Variants in SATB1 observed in about 807,000 individuals in gnomAD.
SATB1 encodes DNA-binding protein SATB1.
In SATB1, 11 loss-of-function variants were observed where a neutral mutation model predicts 86.9. That is an observed-to-expected ratio of 0.13 (90% confidence interval 0.08 to 0.21). The LOEUF (loss-of-function observed/expected upper bound fraction) is 0.21, where lower values mean the gene tolerates loss of function less well. Ranked by LOEUF, SATB1 falls within the 10% of genes least tolerant of loss-of-function variation. The probability of loss-of-function intolerance (pLI) is 1.00; values close to 1 mark genes in which losing one functional copy is unlikely to be tolerated. For synonymous variants in SATB1, 357 were observed against 357.2 expected, an observed-to-expected ratio of 1.00 and a Z score of 0.01; for missense variants, 551 against 937.6, an observed-to-expected ratio of 0.59 and a Z score of 5.39.
chr3:18,387,108 G>T (rs548445960), intron 7 of SATB1, among the ~76,000 whole-genome samples: 3 of 152,104 alleles, frequency 2.0e-5, no homozygotes, highest in Non-Finnish European at 4.4e-5. Flanking sequence ...CATCACCTAA[G>T]GTTTATGCTG....
In SATB1 at chr3:18,376,722, C is replaced by T. The variant is rs986136022; in HGVS notation, c.1575+1448G>A. Among the ~76,000 whole-genome samples, 17 of 152,146 alleles carry T rather than the reference C, an allele frequency of 1.1e-4. 1 individual carries two copies. The highest frequency in any genetic ancestry group is 3.9e-4 in the African/African-American group (16 of 41,544). ...AACATTTCAAGAGCCCTGTAATTTC[C>T]AATCAAAATTACAGTAATTTCCGAT... On this transcript the variant is annotated intron_variant, in intron 9 of 10. Transcript: ENST00000338745.
chr3:18,422,824 A>G (rs1163239120), intron 1 of SATB1, among the ~76,000 whole-genome samples: 2 of 152,364 alleles, frequency 1.3e-5, no homozygotes, highest in East Asian at 3.9e-4. Flanking sequence ...AGTTAATGCT[A>G]TAAAACATAT....
chr3:18,445,193 C>G, intron 1 of SATB1: 1 of 980,382 alleles, frequency 1.0e-6, no homozygotes, highest in Non-Finnish European at 1.2e-6. Flanking sequence ...CGGCCCGCCT[C>G]CCCAGCGCCC....
At chr3:18,429,404 T>C (rs1698817329), upstream of SATB1, among the ~76,000 whole-genome samples, 1 of 152,260 alleles carries the variant, frequency 6.6e-6, no homozygotes, top group African/African-American at 2.4e-5. This position sits in a 1 kb window ranked among gnomAD's most constrained non-coding sequence, Gnocchi z 4.1. Context: ...TCTCACATAT[T>C]ATCTGTGACC....
chr3:18,410,738 A>G (rs934529819), intron 5 of SATB1: 2 of 248,042 alleles, frequency 8.1e-6, no homozygotes, highest in Non-Finnish European at 1.5e-5. Context: ...CTATTCTCTT[A>G]AGAATGTGCT....
rs1425712727 is a variant in SATB1 at position 18,348,849 on chromosome 3, C to T, written c.*321G>A. On this transcript the variant is annotated 3_prime_UTR_variant, in exon 11 of 11. Coordinates refer to ENST00000338745, the MANE Select transcript of SATB1 (RefSeq NM_002971.6). ...AAGGTATAATGCTTGTTTGAGGCTC[C>T]GGAATAAGAACTAAAAAAAAAACAA... 14 of 282,638 alleles carry T rather than the reference C, an allele frequency of 5.0e-5. No individual in the cohort carries two copies. Among genetic ancestry groups the T allele is most frequent in the East Asian group, 4.8e-4 (6 of 12,388 alleles). 17.5% of individuals were successfully genotyped at this position (282,638 alleles called of 1,614,324 possible).
chr3:18,359,632 C>T (rs961555161), intron 9 of SATB1, among the ~76,000 whole-genome samples: 5 of 151,770 alleles, frequency 3.3e-5, no homozygotes, highest in African/African-American at 7.3e-5. Flanking sequence ...ATATCTGATA[C>T]TTGAATAAGG....
rs763478543 is a variant in SATB1 at position 18,351,377 on chromosome 3, T to C, written c.1779+615A>G. Reference sequence around the variant, plus strand: ...GCCTGGTAAGAAAACGCCTCTAGACTCTCCTTTCCCAAGGGTGGTGGGAGA... The same window carrying C: ...GCCTGGTAAGAAAACGCCTCTAGACCCTCCTTTCCCAAGGGTGGTGGGAGA... On this transcript the variant is annotated intron_variant, in intron 10 of 10. Transcript: ENST00000338745. 7 of 1,555,066 alleles carry C rather than the reference T, an allele frequency of 4.5e-6. No individual in the cohort carries two copies. The highest frequency in any genetic ancestry group is 1.9e-5 in the Admixed American group (1 of 53,910).
At chr3:18,353,252 T>C (rs908105261) in intron 9 of SATB1, among the ~76,000 whole-genome samples, 2 of 150,924 alleles carry the variant, frequency 1.3e-5, no homozygotes, top group African/African-American at 4.8e-5. Flanking sequence ...TCTCTGCCCC[T>C]GTTTCTGAAA....
chr3:18,387,792 T>C (rs1696420709), intron 7 of SATB1, among the ~76,000 whole-genome samples: 1 of 152,138 alleles, frequency 6.6e-6, no homozygotes, highest in African/African-American at 2.4e-5. Context: ...AAAGGTATAT[T>C]GGGGGAAGGA....
At chr3:18,443,273 G>T (rs528307161), upstream of SATB1, among the ~76,000 whole-genome samples, 1 of 152,306 alleles carries the variant, frequency 6.6e-6, no homozygotes, top group South Asian at 2.1e-4. The surrounding 1 kb of genome is among the most constrained non-coding windows in gnomAD (Gnocchi z 4.4). Flanking sequence ...AGAAAGTCAG[G>T]TCCCCTGGCC....
chr3:18,360,559 G>A (rs1694859831), intron 9 of SATB1, among the ~76,000 whole-genome samples: 1 of 150,388 alleles, frequency 6.6e-6, no homozygotes, highest in African/African-American at 2.4e-5. Flanking sequence ...AATACTACTT[G>A]TCTTTCAAGA....
chr3:18,434,185 C>A (rs1400350331), intron 2 of SATB1, among the ~76,000 whole-genome samples: 2 of 151,992 alleles, frequency 1.3e-5, no homozygotes, highest in African/African-American at 4.8e-5. Flanking sequence ...TTTGAGGTAA[C>A]AAGGCTCTCA....
chr3:18,397,159 G>T lies in SATB1; in HGVS notation c.751+20C>A. The T allele has an allele frequency of 1.5e-6, 2 of 1,334,616 alleles. No individual in the cohort carries two copies. Among genetic ancestry groups the T allele is most frequent in the South Asian group, 1.2e-5 (1 of 85,402 alleles). The allele number at this position is 1,334,616 out of a possible 1,614,324, so 82.7% of individuals were successfully genotyped here. ...CACGTAATGGTATGTAGCCACTGCT[G>T]CAATGTTTTTTTTGCTTACCCATCA... On this transcript the variant is annotated intron_variant, in intron 6 of 10. Coordinates refer to ENST00000338745, the MANE Select transcript of SATB1 (RefSeq NM_002971.6).
intron 5 of SATB1, chr3:18,411,141 T>G: frequency 2.8e-6 from 1 of 356,922 alleles, no homozygotes; most frequent in Non-Finnish European, 5.0e-6. Context: ...TATATTTTGC[T>G]ACTTGAAAAT....
intron 5 of SATB1, among the ~76,000 whole-genome samples, chr3:18,397,569 T>C (rs1395833714): frequency 6.6e-6 from 1 of 152,160 alleles, no homozygotes; most frequent in African/African-American, 2.4e-5. Flanking sequence ...ATGCCATCTA[T>C]TACTAGGCTG....
intron 8 of SATB1, among the ~76,000 whole-genome samples, chr3:18,379,384 C>T (rs569153526): frequency 6.6e-6 from 1 of 152,166 alleles, no homozygotes; most frequent in East Asian, 1.9e-4. Context: ...GATACAAAAC[C>T]ATGTTTCTTC....
intron 9 of SATB1, among the ~76,000 whole-genome samples, chr3:18,363,429 T>G (rs935108414): frequency 3.3e-5 from 5 of 152,084 alleles, no homozygotes; most frequent in Admixed American, 2.6e-4. Flanking sequence ...TCAGTGACAA[T>G]GGCCGGGTTA....
intron 1 of SATB1, chr3:18,445,352 G>T (rs1699364967): frequency 4.1e-6 from 4 of 985,244 alleles, no homozygotes; most frequent in Non-Finnish European, 4.8e-6. Flanking sequence ...CGCCGGCCGG[G>T]GTGTGGGGGG....
Sources: gnomAD v4.1 joint callset for allele counts (sites outside exome capture counted in the v4.1 genomes callset) on GRCh38, gnomAD v4.1.1 for gene constraint, Gnocchi (gnomAD v3.1) non-coding constraint, MANE v1.5 for transcripts, NCBI Gene and HGNC (gene_info 2026-07-23, HGNC 2026-07-21) for gene names.